The following LRRTM4 variants were observed in gnomAD, a reference collection of about 807,000 sequenced individuals.
LRRTM4 encodes leucine rich repeat transmembrane neuronal 4, also known as leucine-rich repeat transmembrane neuronal protein 4.
A neutral mutation model predicts 47.6 loss-of-function variants in LRRTM4; 25 were observed. That is an observed-to-expected ratio of 0.53 (90% CI 0.38 to 0.73). The LOEUF (loss-of-function observed/expected upper bound fraction) is 0.73, where lower values mean the gene tolerates loss of function less well. Ranked by LOEUF, LRRTM4 falls within the 30% of genes least tolerant of loss-of-function variation. The pLI is 0.00. For synonymous variants in LRRTM4, 311 were observed against 269.5 expected (o/e 1.15, Z -1.51); for missense variants, 638 against 713.4 (o/e 0.89, Z 1.20).
In LRRTM4 at chr2:77,275,888, A is replaced by T. The variant is rs80111692; in HGVS notation, c.1551+242430T>A. Among the ~76,000 whole-genome samples the T allele has an allele frequency of 8.5e-3, 1,297 of 152,216 alleles. 14 individuals carry two copies. Among genetic ancestry groups the T allele is most frequent in the African/African-American group, 0.029 (1,212 of 41,546 alleles). ...GGTTTTCTCTGGGGAAAAATGTTAA[A>T]GTATTCAATTTTTATGATGAGCTTG... is the stretch of plus-strand genomic sequence containing the variant. On this transcript the variant is annotated intron_variant, in intron 3 of 3. Transcript: ENST00000409884.
intron 3 of LRRTM4, among the ~76,000 whole-genome samples, chr2:77,241,564 T>A (rs1237179192): frequency 6.6e-6 from 1 of 151,904 alleles, no homozygotes; most frequent in African/African-American, 2.4e-5. Flanking sequence ...AATAAACACA[T>A]AACCAGCAAA....
chr2:77,337,115 T>G (rs1313743770), intron 3 of LRRTM4, among the ~76,000 whole-genome samples: 1 of 152,022 alleles, frequency 6.6e-6, no homozygotes, highest in Non-Finnish European at 1.5e-5. Flanking sequence ...GTAATTACAT[T>G]TACAACAGAC....
chr2:77,489,928 C>T (rs1678071264), intron 3 of LRRTM4, among the ~76,000 whole-genome samples: 1 of 152,176 alleles, frequency 6.6e-6, no homozygotes, highest in Non-Finnish European at 1.5e-5. Flanking sequence ...ATCCAGAAGT[C>T]ATATCCCTTA....
chr2:77,223,560 C>T (rs1674709646), intron 3 of LRRTM4, among the ~76,000 whole-genome samples: 1 of 152,116 alleles, frequency 6.6e-6, no homozygotes, highest in Non-Finnish European at 1.5e-5. Flanking sequence ...TCTTATACAA[C>T]AATAACAGAC....
intron 3 of LRRTM4, among the ~76,000 whole-genome samples, chr2:76,877,991 T>TA (rs1330614732): frequency 6.6e-6 from 1 of 152,202 alleles, no homozygotes; most frequent in Admixed American, 6.5e-5. Flanking sequence ...TTGTTTTTAA[T>TA]ACATTGAAGA....
intron 3 of LRRTM4, among the ~76,000 whole-genome samples, chr2:77,178,463 G>C (rs1410320769): frequency 2.0e-5 from 3 of 152,038 alleles, no homozygotes; most frequent in African/African-American, 7.2e-5. Flanking sequence ...GCGCGTGCCT[G>C]TATTCCTAGC....
chr2:77,401,804 AC>A (rs1673970094), intron 3 of LRRTM4, among the ~76,000 whole-genome samples: 1 of 151,960 alleles, frequency 6.6e-6, no homozygotes, highest in Non-Finnish European at 1.5e-5. Context: ...TCAAAGACTT[AC>A]AAAAGTCTGT....
At chr2:77,477,121 A>G (rs144374269) in intron 3 of LRRTM4, among the ~76,000 whole-genome samples, 189 of 152,182 alleles carry the variant, frequency 1.2e-3, no homozygotes, top group African/African-American at 4.3e-3. Flanking sequence ...AGAGAGAGAT[A>G]GGAAGACAGA....
At chr2:76,930,537 C>A (rs1199114316) in intron 3 of LRRTM4, among the ~76,000 whole-genome samples, 3 of 152,192 alleles carry the variant, frequency 2.0e-5, no homozygotes, top group African/African-American at 7.2e-5. Context: ...ATGGCACCAT[C>A]TGCTTTCTGC....
rs539557305 is a variant in LRRTM4 at position 77,198,428 on chromosome 2, A to G, written c.1551+319890T>C. On this transcript the variant is annotated intron_variant, in intron 3 of 3. Transcript: ENST00000409884. ...AGACAATGTTATTGGCTCAGAAATCATAAATATGTTAGCCTCTAATCATTT... is the reference window on the plus strand; with the variant it reads ...AGACAATGTTATTGGCTCAGAAATCGTAAATATGTTAGCCTCTAATCATTT... Among the ~76,000 whole-genome samples the G allele has an allele frequency of 1.5e-4, 23 of 152,342 alleles. No individual in the cohort carries two copies. The South Asian group carries it at 3.1e-3, about 21-fold the overall frequency.
chr2:77,000,981 T>A (rs763435452), intron 3 of LRRTM4, among the ~76,000 whole-genome samples: 1 of 152,086 alleles, frequency 6.6e-6, no homozygotes, highest in Non-Finnish European at 1.5e-5. Context: ...GGAGAACGAT[T>A]TGAGACATTT....
intron 3 of LRRTM4, among the ~76,000 whole-genome samples, chr2:76,951,484 GA>G (rs1675492450): frequency 6.6e-6 from 1 of 151,862 alleles, no homozygotes; most frequent in African/African-American, 2.4e-5. Flanking sequence ...CAGGTCACTG[GA>G]CCACATCTTT....
At chr2:76,814,140 G>A (rs1049975690) in intron 3 of LRRTM4, among the ~76,000 whole-genome samples, 3 of 151,938 alleles carry the variant, frequency 2.0e-5, no homozygotes, top group Admixed American at 1.3e-4. Context: ...TGACTATAAT[G>A]AGGTTACAGT....
chr2:76,901,786 G>C (rs1212162622), intron 3 of LRRTM4, among the ~76,000 whole-genome samples: 2 of 152,092 alleles, frequency 1.3e-5, no homozygotes, highest in South Asian at 4.1e-4. Flanking sequence ...TTCACTCATT[G>C]TTACATGCAC....
intron 3 of LRRTM4, among the ~76,000 whole-genome samples, chr2:77,179,295 T>G (rs766534399): frequency 6.6e-6 from 1 of 152,174 alleles, no homozygotes; most frequent in Non-Finnish European, 1.5e-5. Context: ...GCAGCTAGGA[T>G]CACTCCATTT....
intron 3 of LRRTM4, among the ~76,000 whole-genome samples, chr2:77,189,335 T>C (rs1345239196): frequency 6.6e-6 from 1 of 152,202 alleles, no homozygotes; most frequent in Non-Finnish European, 1.5e-5. Flanking sequence ...AGTTCTTCAT[T>C]AAATTGCTTT....
At chr2:77,061,095 A>C (rs1239479454) in intron 3 of LRRTM4, among the ~76,000 whole-genome samples, 1 of 150,286 alleles carries the variant, frequency 6.7e-6, no homozygotes, top group Admixed American at 6.6e-5. Context: ...ACTCTGGACA[A>C]GCCATTAGAG....
At chr2:77,410,591 G>A (rs1004530353) in intron 3 of LRRTM4, among the ~76,000 whole-genome samples, 2 of 152,304 alleles carry the variant, frequency 1.3e-5, no homozygotes, top group Middle Eastern at 3.4e-3. Flanking sequence ...ATAAAGGGGA[G>A]AGGCATACTG....
intron 3 of LRRTM4, among the ~76,000 whole-genome samples, chr2:77,339,386 A>G (rs61288909): frequency 1.5e-3 from 223 of 152,164 alleles, no homozygotes; most frequent in African/African-American, 5.1e-3. Flanking sequence ...AATTTGTTTA[A>G]TTTTAGGACG....
Sources: allele counts gnomAD v4.1 joint callset (sites outside exome capture counted in the v4.1 genomes callset), GRCh38; gene constraint gnomAD v4.1.1; transcripts MANE v1.5; gene names NCBI Gene and HGNC (gene_info 2026-07-23, HGNC 2026-07-21).